STARD9: variants seen among roughly 807,000 people sequenced by gnomAD.
STARD9 encodes the protein stAR-related lipid transfer protein 9.
In STARD9, 346 loss-of-function variants were observed where a neutral mutation model predicts 399.8. The observed-to-expected ratio is 0.87, with a 90% CI of 0.79 to 0.95. The LOEUF (loss-of-function observed/expected upper bound fraction) is 0.95. STARD9 is among the 40% of genes least tolerant of loss of function. STARD9 has a pLI of 0.00. For missense variants in STARD9, 5,832 were observed against 5,667.5 expected, an observed-to-expected ratio of 1.03 and a Z score of -0.93; for synonymous variants, 2,203 against 2,143.5, an observed-to-expected ratio of 1.03 and a Z score of -0.77.
intron 26 of STARD9, among the ~76,000 whole-genome samples, chr15:42,697,627 G>T (rs1023960738): frequency 6.6e-6 from 1 of 152,132 alleles, no homozygotes; most frequent in African/African-American, 2.4e-5. Flanking sequence ...CTGACCTCAT[G>T]TGACACATTG....
At chr15:42,579,263 AC>A (rs1759906975) in intron 1 of STARD9, among the ~76,000 whole-genome samples, 1 of 152,186 alleles carries the variant, frequency 6.6e-6, no homozygotes, top group African/African-American at 2.4e-5. Context: ...CAAACTCCAA[AC>A]ATGCACACCC....
intron 3 of STARD9, among the ~76,000 whole-genome samples, chr15:42,587,224 C>T (rs2058294401): frequency 6.6e-6 from 1 of 152,140 alleles, no homozygotes; most frequent in African/African-American, 2.4e-5. Context: ...GGAGACAGTA[C>T]TGATTTTCTG....
intron 3 of STARD9, among the ~76,000 whole-genome samples, chr15:42,622,160 TC>T (rs1176084078): frequency 1.3e-5 from 2 of 152,132 alleles, no homozygotes; most frequent in African/African-American, 4.8e-5. Context: ...GCAACTGTAG[TC>T]CTAGCTACTT....
At chr15:42,718,409 G>A in intron 30 of STARD9, 26 bp from the exon 31 acceptor site, 1 of 1,529,120 alleles carries the variant, frequency 6.5e-7, no homozygotes, top group African/African-American at 1.4e-5. Flanking sequence ...TGGGCCTCCT[G>A]ACCTTCCTTA....
At chr15:42,679,330 G>C (rs777604165) in intron 20 of STARD9, among the ~76,000 whole-genome samples, 6 of 152,170 alleles carry the variant, frequency 3.9e-5, no homozygotes, top group Admixed American at 6.5e-5. Flanking sequence ...TTGCTATCCT[G>C]AGCCTCCACA....
intron 7 of STARD9, among the ~76,000 whole-genome samples, chr15:42,645,197 A>G (rs1255929234): frequency 6.6e-6 from 1 of 152,216 alleles, no homozygotes; most frequent in Non-Finnish European, 1.5e-5. Flanking sequence ...CTTTCTGGAA[A>G]GTTTTCAATA....
intron 26 of STARD9, among the ~76,000 whole-genome samples, chr15:42,709,569 C>G (rs1247189442): frequency 6.6e-6 from 1 of 152,142 alleles, no homozygotes. Flanking sequence ...CCTGTAGACC[C>G]AGCTACACAG....
Position 42,685,466 on chromosome 15 carries a change from T to C in STARD9, c.3888T>C (p.His1296=). 1 of 1,530,958 alleles carries C rather than the reference T, an allele frequency of 6.5e-7. No homozygotes were observed. The highest frequency in any genetic ancestry group is 8.7e-7 in the Non-Finnish European group (1 of 1,143,814). The allele number at this position is 1,530,958 out of a possible 1,614,324, so 94.8% of individuals were successfully genotyped here. A position where few individuals can be genotyped will look rare whatever the true frequency, so the allele number is the denominator to read the frequency against. ...ELQPHCELQP[H]CELQPHCEQA... ...AACCCCATTGTGAGCTCCAACCCCA[T>C]TGTGAGCTCCAGCCCCATTGTGAGC... Residue 1296 remains histidine, a synonymous_variant, in exon 23 of 33, where the codon CAT becomes CAC. Coordinates refer to ENST00000290607, the MANE Select transcript of STARD9 (RefSeq NM_020759.3).
chr15:42,648,003 A>G (rs1193411487), intron 7 of STARD9, among the ~76,000 whole-genome samples: 3 of 152,184 alleles, frequency 2.0e-5, no homozygotes, highest in Non-Finnish European at 2.9e-5. Flanking sequence ...TGGACCTTAT[A>G]AGACTTGAAC....
At chr15:42,578,106 ATTTTTTTT>A (rs57016102) in intron 1 of STARD9, among the ~76,000 whole-genome samples, 1 of 134,126 alleles carries the variant, frequency 7.5e-6, no homozygotes, top group East Asian at 2.2e-4. Flanking sequence ...TTGACGCTCA[ATTTTTTTT>A]TTTTTTTTCT....
chr15:42,652,526 A>T lies in STARD9; in HGVS notation c.636A>T (p.Thr212=), dbSNP rs2059783284. Reference sequence around the variant, plus strand: ...TTTTTCCTTGTATACACAGAATCACAGCAGCCACCCATGTTCATGAGGCCA... The same window carrying T: ...TTTTTCCTTGTATACACAGAATCACTGCAGCCACCCATGTTCATGAGGCCA... ...LLEEGIANRI[T]AATHVHEASS... The change falls in exon 9 of 33, where the codon ACA becomes ACT. Residue 212 remains threonine, a synonymous_variant. Coordinates refer to ENST00000290607, the MANE Select transcript of STARD9 (RefSeq NM_020759.3). 6.5e-7 allele frequency: 1 copy of T among 1,537,474 alleles called. No homozygotes were observed. Among genetic ancestry groups the T allele is most frequent in the Non-Finnish European group, 8.7e-7 (1 of 1,146,936 alleles).
chr15:42,699,066 ATATT>A (rs1470753203), intron 26 of STARD9, among the ~76,000 whole-genome samples: 4 of 152,144 alleles, frequency 2.6e-5, no homozygotes, highest in East Asian at 1.9e-4. Flanking sequence ...CATAATGTAA[ATATT>A]TATGAGGTAC....
chr15:42,606,221 G>A (rs2058719647), intron 3 of STARD9, among the ~76,000 whole-genome samples: 1 of 152,172 alleles, frequency 6.6e-6, no homozygotes, highest in East Asian at 1.9e-4. Flanking sequence ...GTTCAGAGAT[G>A]AAGCCCAGTT....
At chr15:42,627,371 A>T (rs1234947389) in intron 3 of STARD9, among the ~76,000 whole-genome samples, 1 of 152,238 alleles carries the variant, frequency 6.6e-6, no homozygotes, top group Non-Finnish European at 1.5e-5. Context: ...TGATACAGGC[A>T]TACAATGCGT....
intron 16 of STARD9, chr15:42,673,966 A>G (rs1378227844): frequency 2.2e-6 from 1 of 456,612 alleles, no homozygotes. Context: ...CCAAGAAGGT[A>G]AAAATCCTGT....
At chr15:42,625,549 C>T (rs1387615977) in intron 3 of STARD9, among the ~76,000 whole-genome samples, 5 of 150,990 alleles carry the variant, frequency 3.3e-5, no homozygotes, top group East Asian at 1.9e-4. Flanking sequence ...AGGCTGGTCT[C>T]GAACTCCTGA....
rs755068921 is a variant in STARD9 at position 42,686,803 on chromosome 15, C to A, written c.5225C>A (p.Pro1742Gln). Residue 1742 changes from proline to glutamine, a missense_variant, in exon 23 of 33, where the codon CCA becomes CAA. Pro to Gln is a moderately conservative substitution (Grantham distance 76). Transcript: ENST00000290607. ...CCATTGTCATCTTCCCTGCAGCCCC[C>A]ACTCTTGGAAACATTCTATGTGACC... is the stretch of plus-strand genomic sequence containing the variant. ...WNPLSSSLQPPLLETFYVTKS... is the reference protein window; with the variant it reads ...WNPLSSSLQPQLLETFYVTKS... 1.4e-5 allele frequency: 22 copies of A among 1,537,084 alleles called. No individual in the cohort carries two copies. The highest frequency in any genetic ancestry group is 1.9e-5 in the Non-Finnish European group (22 of 1,146,914).
At position 42,682,555 on chromosome 15, in the gene STARD9, G is replaced by C; in HGVS notation, c.2517G>C (p.Lys839Asn). The change falls in exon 22 of 33, where the codon AAG becomes AAC. Residue 839 changes from lysine (K) to asparagine (N), a missense_variant. By Grantham distance (94) the Lys-to-Asn change is moderately conservative. Transcript: ENST00000290607. ...SSLSPQRLCS[K>N]HMPQLHSIFL... ...TGAGCCCCCAAAGACTCTGCAGCAAGCACATGCCCCAGCTACACAGGTACA... is the reference window on the plus strand; with the variant it reads ...TGAGCCCCCAAAGACTCTGCAGCAACCACATGCCCCAGCTACACAGGTACA... 1 of 1,536,250 alleles carries C rather than the reference G, an allele frequency of 6.5e-7. No individual in the cohort carries two copies. The highest frequency in any genetic ancestry group is 8.7e-7 in the Non-Finnish European group (1 of 1,146,216).
chr15:42,693,550 T>A lies in STARD9; in HGVS notation c.11972T>A (p.Leu3991His). 6.5e-7 allele frequency: 1 copy of A among 1,537,172 alleles called. No homozygotes were observed. Among genetic ancestry groups the A allele is most frequent in the African/African-American group, 1.4e-5 (1 of 73,124 alleles). Residue 3991 changes from leucine (L) to histidine (H), a missense_variant, in exon 23 of 33, where the codon CTC becomes CAC. Physicochemically the swap from Leu to His is moderately conservative, Grantham distance 99. Transcript: ENST00000290607. ...CACAGCCCACAGCAGAGTCCAAAACTCCAATTTAGTTTCTTAGGGCAGCAC... is the reference window on the plus strand; with the variant it reads ...CACAGCCCACAGCAGAGTCCAAAACACCAATTTAGTTTCTTAGGGCAGCAC... The part of the protein sequence containing the change: ...SPHSPQQSPK[L>H]QFSFLGQHPQ...
Sources: allele counts gnomAD v4.1 joint callset (sites outside exome capture counted in the v4.1 genomes callset), GRCh38; gene constraint gnomAD v4.1.1; transcripts MANE v1.5; gene names NCBI Gene and HGNC (gene_info 2026-07-23, HGNC 2026-07-21).